SLIT3: variants seen among roughly 807,000 people sequenced by gnomAD.
SLIT3 encodes slit guidance ligand 3, also known as slit homolog 3 protein.
In SLIT3, 68 loss-of-function variants were observed where a neutral mutation model predicts 184.0. That is an observed-to-expected ratio of 0.37 (90% CI 0.30 to 0.45). SLIT3 has a LOEUF of 0.45. SLIT3 is among the 20% of genes least tolerant of loss of function. The pLI is 1.00. For synonymous variants in SLIT3, 831 were observed against 828.6 expected (o/e 1.00, Z -0.05); for missense variants, 1,707 against 2,026.0 (o/e 0.84, Z 3.02).
intron 4 of SLIT3, among the ~76,000 whole-genome samples, chr5:168,903,223 G>T (rs1177684455): frequency 6.6e-6 from 1 of 152,142 alleles, no homozygotes; most frequent in Non-Finnish European, 1.5e-5. Flanking sequence ...TCCTCGTTCA[G>T]TTCTCTGCAG....
At chr5:168,984,679 A>G (rs1755066920) in intron 4 of SLIT3, among the ~76,000 whole-genome samples, 1 of 152,094 alleles carries the variant, frequency 6.6e-6, no homozygotes, top group Admixed American at 6.5e-5. Context: ...CCCCTTTTAC[A>G]CTGTTTTCTA....
chr5:169,150,511 T>TCACA (rs1388383280), intron 4 of SLIT3, among the ~76,000 whole-genome samples: 15 of 136,402 alleles, frequency 1.1e-4, no homozygotes, highest in African/African-American at 3.6e-4. Flanking sequence ...TCTATTTCAC[T>TCACA]CACATACACA....
intron 20 of SLIT3, 106 bp downstream of exon 20, chr5:168,748,196 C>T (rs956034595): frequency 7.7e-7 from 1 of 1,297,820 alleles, no homozygotes; most frequent in Non-Finnish European, 1.0e-6. Flanking sequence ...GGGTCTCCCC[C>T]CGGCAGTTTC....
chr5:169,002,349 AAAAAAAG>A (rs1561600127), intron 4 of SLIT3, among the ~76,000 whole-genome samples: 1 of 146,088 alleles, frequency 6.8e-6, no homozygotes, highest in South Asian at 2.2e-4. Context: ...AAAAAAAAAA[AAAAAAAG>A]AAAAAAAGAA....
At chr5:168,761,330 A>G (rs773069822) in intron 15 of SLIT3, among the ~76,000 whole-genome samples, 1 of 152,056 alleles carries the variant, frequency 6.6e-6, no homozygotes, top group Non-Finnish European at 1.5e-5. Flanking sequence ...CTTCCTAAGC[A>G]CTTCCCTCTA....
intron 4 of SLIT3, among the ~76,000 whole-genome samples, chr5:168,961,438 A>G (rs1309409439): frequency 2.0e-5 from 3 of 152,246 alleles, no homozygotes; most frequent in Non-Finnish European, 2.9e-5. Flanking sequence ...GAGCAGGGTG[A>G]GAGTGGGAGG....
chr5:169,137,166 A>G (rs573014882), intron 4 of SLIT3, among the ~76,000 whole-genome samples: 27 of 152,204 alleles, frequency 1.8e-4, no homozygotes, highest in African/African-American at 6.5e-4. Flanking sequence ...GGCCTTTCAA[A>G]AGCACAGGAA....
At chr5:168,723,821 T>C (rs957953603) in intron 21 of SLIT3, among the ~76,000 whole-genome samples, 30 of 152,282 alleles carry the variant, frequency 2.0e-4, no homozygotes, top group Non-Finnish European at 4.3e-4. Context: ...TATTCTGATT[T>C]AATTGGTCTA....
At chr5:169,221,773 C>A (rs1294067012) in intron 3 of SLIT3, among the ~76,000 whole-genome samples, 1 of 152,218 alleles carries the variant, frequency 6.6e-6, no homozygotes, top group African/African-American at 2.4e-5. Flanking sequence ...TCTTCCAATG[C>A]CAATGCACAG....
intron 9 of SLIT3, among the ~76,000 whole-genome samples, chr5:168,800,628 C>T (rs1040686389): frequency 5.3e-5 from 8 of 152,150 alleles, no homozygotes; most frequent in African/African-American, 1.9e-4. Flanking sequence ...GTGTATTAGA[C>T]TCTCCCATCC....
At chr5:169,065,378 G>T (rs189035294) in intron 4 of SLIT3, among the ~76,000 whole-genome samples, 1 of 152,278 alleles carries the variant, frequency 6.6e-6, no homozygotes, top group Non-Finnish European at 1.5e-5. Flanking sequence ...TAATATGGAA[G>T]CCATCACACA....
At chr5:168,919,652 A>G (rs916350330) in intron 4 of SLIT3, among the ~76,000 whole-genome samples, 1 of 152,128 alleles carries the variant, frequency 6.6e-6, no homozygotes, top group Non-Finnish European at 1.5e-5. Flanking sequence ...TTTAAAAAAA[A>G]AACAAAGAAC....
intron 4 of SLIT3, among the ~76,000 whole-genome samples, chr5:169,062,553 C>T (rs1386122965): frequency 6.6e-6 from 1 of 152,232 alleles, no homozygotes; most frequent in African/African-American, 2.4e-5. Flanking sequence ...CTTTCTGTCC[C>T]TTCCACTTTC....
intron 4 of SLIT3, among the ~76,000 whole-genome samples, chr5:169,177,214 C>T (rs137952922): frequency 2.0e-5 from 3 of 152,274 alleles, no homozygotes; most frequent in African/African-American, 4.8e-5. Flanking sequence ...AGCAATCAGA[C>T]GGCCAGGAGC....
chr5:169,067,099 TTAAAAAGG>T (rs1352833449), intron 4 of SLIT3, among the ~76,000 whole-genome samples: 2 of 152,206 alleles, frequency 1.3e-5, no homozygotes, highest in African/African-American at 4.8e-5. Context: ...TCTTATATTC[TTAAAAAGG>T]TAAAGAATGA....
intron 6 of SLIT3, among the ~76,000 whole-genome samples, chr5:168,833,991 C>A (rs983790752): frequency 2.6e-5 from 4 of 152,158 alleles, no homozygotes; most frequent in African/African-American, 9.7e-5. Flanking sequence ...CCCAGATCTG[C>A]CCAGCTCTGC....
At chr5:168,821,484 C>T (rs1384418110) in intron 7 of SLIT3, among the ~76,000 whole-genome samples, 1 of 152,218 alleles carries the variant, frequency 6.6e-6, no homozygotes, top group Admixed American at 6.5e-5. Context: ...TTCCCCAGCT[C>T]ATCTGTGGTT....
At chr5:168,972,215 G>T (rs555198158) in intron 4 of SLIT3, among the ~76,000 whole-genome samples, 1 of 152,086 alleles carries the variant, frequency 6.6e-6, no homozygotes, top group Non-Finnish European at 1.5e-5. Flanking sequence ...GAAGCACCAG[G>T]CAGAGAATGG....
At chr5:168,937,694 A>G (rs1762203520) in intron 4 of SLIT3, among the ~76,000 whole-genome samples, 1 of 152,104 alleles carries the variant, frequency 6.6e-6, no homozygotes. Context: ...CAGGTCGGTC[A>G]CTGATTCGCT....
Sources: allele counts gnomAD v4.1 joint callset (sites outside exome capture counted in the v4.1 genomes callset), GRCh38; gene constraint gnomAD v4.1.1; transcripts MANE v1.5; gene names NCBI Gene and HGNC (gene_info 2026-07-23, HGNC 2026-07-21).